AK3: variants seen among roughly 807,000 people sequenced by gnomAD.
AK3 encodes GTP:AMP phosphotransferase AK3, mitochondrial.
A neutral mutation model predicts 23.7 loss-of-function variants in AK3; 27 were observed. The ratio of observed to expected loss-of-function variants is 1.14; its 90% CI spans 0.84 to 1.57. AK3 has a LOEUF of 1.57. AK3 is among the 40% of genes most tolerant of loss of function. AK3 has a pLI of 0.00. For missense variants in AK3, 406 were observed against 285.6 expected (o/e 1.42, Z -3.04); for synonymous variants, 159 against 116.0 (o/e 1.37, Z -2.38).
At chr9:4,715,216 CA>C (rs1237615381) in intron 4 of AK3, among the ~76,000 whole-genome samples, 581 of 56,974 alleles carry the variant, frequency 0.01, no homozygotes, top group African/African-American at 0.025. Context: ...GACTCCGTCT[CA>C]AAAAAAAAAA....
chr9:4,739,962 GAA>G lies in AK3; in HGVS notation c.151+973_151+974del, dbSNP rs1006749958. On this transcript the variant is annotated intron_variant, in intron 1 of 4. Transcript: ENST00000381809. ...CTTAAAAAGTAAACCTTTCTAGAAG[GAA>G]AACTCTGTTCCCCTCCGAAGAATGG... Among the ~76,000 whole-genome samples the G allele has an allele frequency of 4.7e-5, 7 of 148,186 alleles. No individual in the cohort carries two copies. In the Admixed American group the frequency reaches 4.9e-4, roughly 10 times the overall value.
chr9:4,735,110 A>G (rs1326695094), intron 1 of AK3, among the ~76,000 whole-genome samples: 2 of 150,712 alleles, frequency 1.3e-5, no homozygotes, highest in East Asian at 3.9e-4. Flanking sequence ...AATTTTTTAA[A>G]AGGTTGGGCA....
chr9:4,733,811 A>T (rs1842209444), intron 1 of AK3, among the ~76,000 whole-genome samples: 1 of 152,096 alleles, frequency 6.6e-6, no homozygotes, highest in Non-Finnish European at 1.5e-5. Flanking sequence ...CTCTACACAC[A>T]TGGATCCTCC....
At chr9:4,714,300 G>A (rs775598925) in intron 4 of AK3, among the ~76,000 whole-genome samples, 1 of 150,476 alleles carries the variant, frequency 6.6e-6, no homozygotes, top group African/African-American at 2.4e-5. Context: ...GTGAAAAGAG[G>A]ATTCCTTATA....
chr9:4,740,432 C>T (rs923901354), intron 1 of AK3, among the ~76,000 whole-genome samples: 15 of 152,132 alleles, frequency 9.9e-5, no homozygotes, highest in African/African-American at 3.4e-4. Context: ...GTAAATAATA[C>T]TTGGCCTTGG....
chr9:4,740,268 A>G (rs1350113257), intron 1 of AK3, among the ~76,000 whole-genome samples: 1 of 152,198 alleles, frequency 6.6e-6, no homozygotes, highest in African/African-American at 2.4e-5. Context: ...CACCCATTGT[A>G]TAGTGTAGAT....
At chr9:4,724,061 C>T (rs987748138) in intron 1 of AK3, among the ~76,000 whole-genome samples, 1 of 152,182 alleles carries the variant, frequency 6.6e-6, no homozygotes, top group Non-Finnish European at 1.5e-5. Flanking sequence ...TAACCAAGAA[C>T]AGTAACTGCA....
intron 1 of AK3, 27 bp downstream of exon 1, chr9:4,740,910 G>T (rs370541411): frequency 1.3e-6 from 2 of 1,504,514 alleles, no homozygotes; most frequent in Non-Finnish European, 1.8e-6. Context: ...GACAGCGCAC[G>T]GCCGGCCCTG....
intron 2 of AK3, among the ~76,000 whole-genome samples, chr9:4,721,703 C>T (rs1173086519): frequency 6.6e-6 from 1 of 152,190 alleles, no homozygotes; most frequent in Non-Finnish European, 1.5e-5. Context: ...AGGTGATCCG[C>T]CCACCTTGGC....
At chr9:4,716,770 A>T (rs534428045) in intron 4 of AK3, among the ~76,000 whole-genome samples, 2 of 152,134 alleles carry the variant, frequency 1.3e-5, no homozygotes, top group Non-Finnish European at 2.9e-5. Context: ...GCTCTAAAAA[A>T]AATTTTTTTA....
chr9:4,729,015 A>ATATATTTTT (rs71326127), intron 1 of AK3, among the ~76,000 whole-genome samples: 46 of 129,428 alleles, frequency 3.6e-4, no homozygotes, highest in African/African-American at 6.8e-4. Flanking sequence ...ATATATATAT[A>ATATATTTTT]TTTTTTTTTT....
intron 1 of AK3, among the ~76,000 whole-genome samples, chr9:4,725,397 G>A (rs1190499684): frequency 1.1e-4 from 17 of 152,030 alleles, no homozygotes; most frequent in Non-Finnish European, 1.5e-5. Flanking sequence ...AAAACCAAGA[G>A]CACAACTAAC....
chr9:4,729,202 G>C (rs966254812), intron 1 of AK3, among the ~76,000 whole-genome samples: 3 of 151,818 alleles, frequency 2.0e-5, no homozygotes, highest in African/African-American at 7.3e-5. Context: ...TAGGGACAGG[G>C]TTTCACCATG....
At chr9:4,740,871 G>T in intron 1 of AK3, 66 bp downstream of exon 1, 1 of 1,403,236 alleles carries the variant, frequency 7.1e-7, no homozygotes. Context: ...CCCAGCTTCG[G>T]CCCCTCGCCC....
intron 1 of AK3, among the ~76,000 whole-genome samples, chr9:4,737,633 C>T (rs995233532): frequency 1.3e-5 from 2 of 152,136 alleles, no homozygotes; most frequent in Admixed American, 6.6e-5. Flanking sequence ...GCAGGAGAAT[C>T]GCTTGAACCC....
chr9:4,730,222 T>C (rs1188041298), intron 1 of AK3, among the ~76,000 whole-genome samples: 2 of 152,186 alleles, frequency 1.3e-5, no homozygotes, highest in Non-Finnish European at 2.9e-5. Context: ...GCGTTTCTTT[T>C]TGGAGTGATA....
intron 1 of AK3, among the ~76,000 whole-genome samples, chr9:4,728,850 T>TACACACAC (rs772699346): frequency 2.0e-3 from 47 of 23,496 alleles, no homozygotes; most frequent in African/African-American, 4.0e-3. Flanking sequence ...TATATATATA[T>TACACACAC]ATATATATAT....
rs989506611 is a variant in AK3, at chr9:4,710,131, CCACAGTA to C, written c.*2838_*2844del. 9.9e-5 allele frequency: 15 copies of C among 152,248 alleles called. No individual in the cohort carries two copies. Among genetic ancestry groups the C allele is most frequent in the African/African-American group, 3.6e-4 (15 of 41,548 alleles). 9.4% of individuals were successfully genotyped at this position (152,248 alleles called of 1,614,324 possible). On this transcript the variant is annotated 3_prime_UTR_variant, in exon 5 of 5. Transcript: ENST00000381809. Reference sequence around the variant, plus strand: ...GCTAACAACTGCTAGTTTGCATTTCCCACAGTACACGCTGCTTACAAAAGGTATAGCA... The same window carrying C: ...GCTAACAACTGCTAGTTTGCATTTCCCACGCTGCTTACAAAAGGTATAGCA...
chr9:4,722,974 G>GA (rs1344837268), intron 1 of AK3, among the ~76,000 whole-genome samples: 1 of 152,188 alleles, frequency 6.6e-6, no homozygotes, highest in Non-Finnish European at 1.5e-5. Context: ...CCAGGTGGGA[G>GA]ACGGGGGAAT....
Sources: gnomAD v4.1 joint callset for allele counts (sites outside exome capture counted in the v4.1 genomes callset) on GRCh38, gnomAD v4.1.1 for gene constraint, MANE v1.5 for transcripts, NCBI Gene and HGNC (gene_info 2026-07-23, HGNC 2026-07-21) for gene names.